The following DLG2 variants were observed in gnomAD, a reference collection of about 807,000 sequenced individuals.
DLG2 encodes disks large homolog 2.
A neutral mutation model predicts 132.5 loss-of-function variants in DLG2; 45 were observed. That is an observed-to-expected ratio of 0.34 (90% CI 0.27 to 0.44). The LOEUF is 0.44. Ranked by LOEUF, DLG2 falls within the 20% of genes least tolerant of loss-of-function variation. The pLI, the probability that DLG2 is intolerant of heterozygous loss-of-function variation, is 1.00. For missense variants in DLG2, 1,045 were observed against 1,196.9 expected, an observed-to-expected ratio of 0.87 and a Z score of 1.87; for synonymous variants, 424 against 419.6, an observed-to-expected ratio of 1.01 and a Z score of -0.13.
chr11:85,471,242 A>G (rs886462622), intron 3 of DLG2, among the ~76,000 whole-genome samples: 1 of 152,206 alleles, frequency 6.6e-6, no homozygotes, highest in Non-Finnish European at 1.5e-5. Flanking sequence ...AAGAAATAAT[A>G]CCTTTGATCT....
chr11:85,349,623 C>T (rs1303519841), intron 3 of DLG2, among the ~76,000 whole-genome samples: 1 of 152,132 alleles, frequency 6.6e-6, no homozygotes, highest in Non-Finnish European at 1.5e-5. Context: ...CAAGTGATCT[C>T]ATTGTTCAAT....
At chr11:85,246,800 A>G (rs1474993114) in intron 4 of DLG2, among the ~76,000 whole-genome samples, 1 of 152,094 alleles carries the variant, frequency 6.6e-6, no homozygotes, top group Non-Finnish European at 1.5e-5. Flanking sequence ...TAATAACATG[A>G]ACATAAGTCT....
At chr11:85,397,032 G>T (rs1463635518) in intron 3 of DLG2, among the ~76,000 whole-genome samples, 2 of 152,142 alleles carry the variant, frequency 1.3e-5, no homozygotes, top group Admixed American at 1.3e-4. Flanking sequence ...CAAAGAGAGA[G>T]GTTGGGTTAC....
intron 10 of DLG2, among the ~76,000 whole-genome samples, chr11:84,074,316 T>C (rs753422362): frequency 6.6e-6 from 1 of 152,106 alleles, no homozygotes; most frequent in Non-Finnish European, 1.5e-5. Flanking sequence ...ATTAACAAGA[T>C]TTTTAATTTC....
At chr11:85,496,530 T>G (rs1050051305) in intron 3 of DLG2, among the ~76,000 whole-genome samples, 2 of 152,172 alleles carry the variant, frequency 1.3e-5, no homozygotes, top group Non-Finnish European at 2.9e-5. Flanking sequence ...TTCCCCATAC[T>G]TAAACGTCCC....
At chr11:84,844,519 C>T (rs12286191) in intron 6 of DLG2, among the ~76,000 whole-genome samples, 57,849 of 151,630 alleles carry the variant, frequency 0.38, 11,989 homozygotes, top group Middle Eastern at 0.53. Flanking sequence ...CTCTTCCTCA[C>T]TTTTCTCAAA....
chr11:84,555,731 T>C (rs1221143299), intron 6 of DLG2, among the ~76,000 whole-genome samples: 1 of 152,220 alleles, frequency 6.6e-6, no homozygotes, highest in Non-Finnish European at 1.5e-5. Context: ...GTTCGGGGGA[T>C]CTGTTGTACA....
At chr11:84,944,324 C>G (rs2154098962) in intron 6 of DLG2, among the ~76,000 whole-genome samples, 1 of 152,252 alleles carries the variant, frequency 6.6e-6, no homozygotes, top group Non-Finnish European at 1.5e-5. Context: ...CTTTCTACCC[C>G]AAACTCTCCA....
At chr11:84,091,821 C>T (rs1233831668) in intron 10 of DLG2, among the ~76,000 whole-genome samples, 2 of 152,140 alleles carry the variant, frequency 1.3e-5, no homozygotes, top group African/African-American at 4.8e-5. Context: ...TTGGGGTTCT[C>T]TTATAAGCTC....
intron 18 of DLG2, among the ~76,000 whole-genome samples, chr11:83,726,094 T>A (rs557696855): frequency 6.6e-6 from 1 of 152,296 alleles, no homozygotes; most frequent in South Asian, 2.1e-4. Context: ...GTCATCTAAG[T>A]GTAAATGTTT....
chr11:84,763,286 A>G (rs374858706), intron 6 of DLG2: 2 of 152,310 alleles, frequency 1.3e-5, no homozygotes, highest in African/African-American at 2.4e-5. Context: ...TTCACTCTCA[A>G]CAGGGCCTGC....
At chr11:83,852,005 T>C (rs535087032) in intron 16 of DLG2, among the ~76,000 whole-genome samples, 1 of 147,928 alleles carries the variant, frequency 6.8e-6, no homozygotes, top group South Asian at 2.2e-4. Context: ...AGTGTTGGAG[T>C]GGTGCAGCTG....
chr11:85,376,366 A>C (rs454388), intron 3 of DLG2, among the ~76,000 whole-genome samples: 116,190 of 151,978 alleles, frequency 0.76, 45,001 homozygotes, highest in Middle Eastern at 0.86. Flanking sequence ...TATTATGTCA[A>C]TCTCATAGGT....
At chr11:85,428,321 T>C (rs528726901) in intron 3 of DLG2, among the ~76,000 whole-genome samples, 1 of 152,296 alleles carries the variant, frequency 6.6e-6, no homozygotes, top group African/African-American at 2.4e-5. Flanking sequence ...CAACAGAATA[T>C]ACATTCTTCT....
At chr11:84,769,025 G>A (rs1392685501) in intron 6 of DLG2, among the ~76,000 whole-genome samples, 2 of 152,080 alleles carry the variant, frequency 1.3e-5, no homozygotes, top group Non-Finnish European at 2.9e-5. Context: ...ATAATTAGAA[G>A]TGCCAGTGTC....
At chr11:84,864,110 A>G (rs1275757164) in intron 6 of DLG2, among the ~76,000 whole-genome samples, 1 of 152,214 alleles carries the variant, frequency 6.6e-6, no homozygotes, top group South Asian at 2.1e-4. Flanking sequence ...ACCTTATTAA[A>G]GACTGGTGGA....
Position 85,479,999 on chromosome 11 carries a change from T to C in DLG2, c.40+118658A>G, listed in dbSNP as rs75366944. Among the ~76,000 whole-genome samples, 719 of 152,280 alleles carry C rather than the reference T, an allele frequency of 4.7e-3. 15 individuals are homozygous for C. In the East Asian group the frequency reaches 0.063, roughly 13 times the overall value. On this transcript the variant is annotated intron_variant, in intron 3 of 27. Transcript: ENST00000376104. Reference sequence around the variant, plus strand: ...AAAGACCCTATCTCCAAAATACCATTACGTTCTGAGGTACTAGGGGTAGGA... The same window carrying C: ...AAAGACCCTATCTCCAAAATACCATCACGTTCTGAGGTACTAGGGGTAGGA...
At chr11:83,679,117 C>T (rs888181850) in intron 18 of DLG2, among the ~76,000 whole-genome samples, 1 of 152,010 alleles carries the variant, frequency 6.6e-6, no homozygotes, top group African/African-American at 2.4e-5. Context: ...ATCAGACAGG[C>T]GTGGGTTTAA....
rs374599871 is a variant in DLG2 at position 83,570,436 on chromosome 11, G to A, written c.1941-28578C>T. Among the ~76,000 whole-genome samples the A allele has an allele frequency of 1.4e-4, 21 of 152,176 alleles. 1 individual carries two copies. The highest frequency in any genetic ancestry group is 1.4e-3 in the East Asian group (7 of 5,174). Reference sequence around the variant, plus strand: ...TATCATTACTATTACTACTATTACTGGTTATGGCTATTTTTAGAATACTCA... The same window carrying A: ...TATCATTACTATTACTACTATTACTAGTTATGGCTATTTTTAGAATACTCA... On this transcript the variant is annotated intron_variant, in intron 19 of 27. Transcript: ENST00000376104.
Sources: allele counts gnomAD v4.1 joint callset (sites outside exome capture counted in the v4.1 genomes callset), GRCh38; gene constraint gnomAD v4.1.1; transcripts MANE v1.5; gene names NCBI Gene and HGNC (gene_info 2026-07-23, HGNC 2026-07-21).